The following MTR variants were observed in gnomAD, a reference collection of about 807,000 sequenced individuals.
MTR encodes 5-methyltetrahydrofolate-homocysteine methyltransferase.
Under a neutral mutation model 154.8 loss-of-function variants are expected in MTR, and 84 were observed. That is an observed-to-expected ratio of 0.54 (90% CI 0.45 to 0.65). The LOEUF (loss-of-function observed/expected upper bound fraction) is 0.65. Among genes scored for constraint, MTR ranks in the 30% least tolerant of loss-of-function variants. The pLI is 0.00. For missense variants in MTR, 1,275 were observed against 1,570.2 expected (o/e 0.81, Z 3.18); for synonymous variants, 554 against 553.9 (o/e 1.00, Z 0.00).
chr1:236,886,199 C>G (rs567503921), intron 26 of MTR, 93 bp from the exon 27 acceptor site: 3 of 1,018,836 alleles, frequency 2.9e-6, no homozygotes, highest in Admixed American at 1.9e-5. Flanking sequence ...TGCTTTCTTG[C>G]AAAGCTTACA....
intron 3 of MTR, 42 bp from the exon 4 acceptor site, chr1:236,808,662 A>G: frequency 6.4e-7 from 1 of 1,573,594 alleles, no homozygotes; most frequent in Non-Finnish European, 8.7e-7. Context: ...TATTGTGCGG[A>G]GGAAAAGAAG....
intron 25 of MTR, among the ~76,000 whole-genome samples, chr1:236,884,607 T>G (rs1665918722): frequency 6.6e-6 from 1 of 152,206 alleles, no homozygotes; most frequent in Non-Finnish European, 1.5e-5. Flanking sequence ...TTTCTTCCGC[T>G]GATGATATGT....
At chr1:236,809,177 C>T (rs1661161433) in intron 4 of MTR, among the ~76,000 whole-genome samples, 1 of 152,180 alleles carries the variant, frequency 6.6e-6, no homozygotes. Context: ...TTTAAAGCCA[C>T]CCTCATTCCC....
chr1:236,865,120 C>A (rs562484028), intron 22 of MTR, among the ~76,000 whole-genome samples: 1 of 152,342 alleles, frequency 6.6e-6, no homozygotes, highest in South Asian at 2.1e-4. Context: ...CAGGGTGCTA[C>A]TGGAACTGAA....
Position 236,833,776 on chromosome 1 carries a change from A to G in MTR, c.1188+1698A>G, listed in dbSNP as rs182135911. The stretch of plus-strand genomic sequence containing the variant: ...CTTCATCTCTCTGAGCTTGTTTGGG[A>G]AGGTTAGACTTTGAAGCTGTTATTC... On this transcript the variant is annotated intron_variant, in intron 13 of 32. Coordinates refer to ENST00000366577, the MANE Select transcript of MTR (RefSeq NM_000254.3). Among the ~76,000 whole-genome samples the G allele has an allele frequency of 6.6e-5, 10 of 152,300 alleles. No homozygotes were observed. In the East Asian group the frequency reaches 1.9e-3, roughly 29 times the overall value.
intron 20 of MTR, 34 bp from the exon 21 acceptor site, chr1:236,862,202 G>A (rs530725988): frequency 1.9e-6 from 3 of 1,572,114 alleles, no homozygotes; most frequent in Middle Eastern, 1.7e-4. Flanking sequence ...CCTGTGGTTT[G>A]GGAAAGATAC....
At chr1:236,892,020 C>G (rs537031646) in intron 29 of MTR, among the ~76,000 whole-genome samples, 1 of 152,162 alleles carries the variant, frequency 6.6e-6, no homozygotes, top group East Asian at 1.9e-4. Flanking sequence ...TCATCCCCCC[C>G]ACCTTTGAAA....
At chr1:236,870,116 C>T (rs1363341213) in intron 22 of MTR, among the ~76,000 whole-genome samples, 1 of 152,220 alleles carries the variant, frequency 6.6e-6, no homozygotes, top group East Asian at 1.9e-4. Flanking sequence ...TTGACCAGGG[C>T]TGTGAGCAAC....
intron 4 of MTR, 84 bp from the exon 5 acceptor site, chr1:236,810,419 G>GA: frequency 8.7e-7 from 1 of 1,153,352 alleles, no homozygotes; most frequent in Non-Finnish European, 1.3e-6. Flanking sequence ...CTGTGTTCCA[G>GA]AAAAAAATCT....
Position 236,808,749 on chromosome 1 carries a change from G to C in MTR, c.385G>C (p.Ala129Pro), listed in dbSNP as rs1190777785. 4.3e-6 allele frequency: 7 copies of C among 1,614,080 alleles called. No individual in the cohort carries two copies. Among genetic ancestry groups the C allele is most frequent in the Non-Finnish European group, 5.9e-6 (7 of 1,180,034 alleles). ...CTCTGCAGGAGTGGCCAGAAAAGCT[G>C]CCGAGGAGGTAACTCTCCAGACAGG... ...MCSAGVARKA[A>P]EEVTLQTGIK... Residue 129 changes from alanine (A) to proline (P), a missense_variant, in exon 4 of 33, where the codon GCC becomes CCC. Physicochemically the swap from Ala to Pro is conservative, Grantham distance 27 (BLOSUM62 -1). Coordinates refer to ENST00000366577, the MANE Select transcript of MTR (RefSeq NM_000254.3).
intron 26 of MTR, among the ~76,000 whole-genome samples, chr1:236,885,747 A>C (rs151114109): frequency 7.9e-5 from 12 of 152,320 alleles, no homozygotes; most frequent in African/African-American, 2.9e-4. Flanking sequence ...AAGTCACTGA[A>C]ATATTTCTTT....
intron 13 of MTR, among the ~76,000 whole-genome samples, chr1:236,832,936 T>G (rs1662699268): frequency 1.3e-5 from 2 of 152,232 alleles, no homozygotes; most frequent in African/African-American, 4.8e-5. Flanking sequence ...ACTTCCTCTG[T>G]TGGTCCTCTT....
Position 236,815,641 on chromosome 1 carries a change from A to G in MTR, c.647A>G (p.Lys216Arg), listed in dbSNP as rs201075948. The G allele has an allele frequency of 6.2e-7, 1 of 1,613,952 alleles. No homozygotes were observed. The highest frequency in any genetic ancestry group is 1.7e-5 in the Admixed American group (1 of 60,018). The part of the protein sequence containing the change: ...LFALQNLFEE[K>R]YAPRPIFISG... ...GCACTCCAAAATCTTTTTGAGGAGAAATATGCTCCCCGGCCTATCTTTGTA... is the reference window on the plus strand; with the variant it reads ...GCACTCCAAAATCTTTTTGAGGAGAGATATGCTCCCCGGCCTATCTTTGTA... The change falls in exon 7 of 33, where the codon AAA becomes AGA. Residue 216 changes from lysine (K) to arginine (R), a missense_variant. By Grantham distance (26) the Lys-to-Arg change is conservative. Transcript: ENST00000366577.
chr1:236,870,321 G>A (rs780422619), intron 22 of MTR, among the ~76,000 whole-genome samples: 6 of 152,224 alleles, frequency 3.9e-5, no homozygotes, highest in Non-Finnish European at 8.8e-5. Context: ...TCACTGATCT[G>A]TGGTTATGAT....
intron 2 of MTR, among the ~76,000 whole-genome samples, chr1:236,803,946 C>A (rs1263658375): frequency 6.6e-6 from 1 of 152,220 alleles, no homozygotes; most frequent in Non-Finnish European, 1.5e-5. Flanking sequence ...ATTTAAGTTA[C>A]TGCAACAGCC....
intron 14 of MTR, among the ~76,000 whole-genome samples, chr1:236,837,193 TGTC>T (rs1662957806): frequency 6.6e-6 from 1 of 152,214 alleles, no homozygotes; most frequent in Admixed American, 6.5e-5. Flanking sequence ...GGCCTGGTGT[TGTC>T]ATTGCATTTG....
At chr1:236,882,842 T>C (rs371035150) in intron 25 of MTR, among the ~76,000 whole-genome samples, 2 of 152,334 alleles carry the variant, frequency 1.3e-5, no homozygotes, top group African/African-American at 4.8e-5. Context: ...AACGACCACA[T>C]TTTGAAATTG....
chr1:236,816,488 T>C lies in MTR; in HGVS notation c.709T>C (p.Ser237Pro). The C allele has an allele frequency of 6.2e-7, 1 of 1,614,160 alleles. No individual in the cohort carries two copies. Among genetic ancestry groups the C allele is most frequent in the South Asian group, 1.1e-5 (1 of 91,082 alleles). ...CGTTGATAAAAGTGGGCGGACTCTT[T>C]CCGGACAGACAGGAGAGGGATTTGT... ...TIVDKSGRTL[S>P]GQTGEGFVIS... Residue 237 changes from serine to proline, a missense_variant, in exon 8 of 33, where the codon TCC becomes CCC. Coordinates refer to ENST00000366577, the MANE Select transcript of MTR (RefSeq NM_000254.3).
At chr1:236,826,771 G>T (rs913567790) in intron 10 of MTR, 58 bp from the exon 11 acceptor site, 5 of 1,366,690 alleles carry the variant, frequency 3.7e-6, no homozygotes, top group Non-Finnish European at 5.2e-6. Flanking sequence ...TTGAATTGGT[G>T]GTAATGAGTT....
Sources: gnomAD v4.1 joint callset for allele counts (sites outside exome capture counted in the v4.1 genomes callset) on GRCh38, gnomAD v4.1.1 for gene constraint, MANE v1.5 for transcripts, NCBI Gene and HGNC (gene_info 2026-07-23, HGNC 2026-07-21) for gene names.